PPFIBP2: variants seen among roughly 807,000 people sequenced by gnomAD.
PPFIBP2 encodes liprin-beta-2.
A neutral mutation model predicts 118.3 loss-of-function variants in PPFIBP2; 118 were observed. The observed-to-expected ratio is 1.00, with a 90% CI of 0.86 to 1.16. The LOEUF is 1.16. Among genes scored for constraint, PPFIBP2 ranks in the 50% most tolerant of loss-of-function variants. The probability of loss-of-function intolerance (pLI) is 0.00; values close to 1 mark genes in which losing one functional copy is unlikely to be tolerated. For missense variants in PPFIBP2, 1,195 were observed against 1,073.1 expected (o/e 1.11, Z -1.59); for synonymous variants, 414 against 397.4 (o/e 1.04, Z -0.50).
chr11:7,580,821 A>G (rs1202957163), intron 3 of PPFIBP2, among the ~76,000 whole-genome samples: 1 of 152,236 alleles, frequency 6.6e-6, no homozygotes, highest in Non-Finnish European at 1.5e-5. Context: ...TCATGCATGT[A>G]GGAAATACTC....
chr11:7,605,734 G>C, intron 5 of PPFIBP2: 1 of 1,343,152 alleles, frequency 7.4e-7, no homozygotes, highest in Non-Finnish European at 9.5e-7. Flanking sequence ...ACTAGTGGCC[G>C]CAGAAGAAAT....
chr11:7,580,162 G>A (rs1315815197), intron 3 of PPFIBP2, among the ~76,000 whole-genome samples: 1 of 152,014 alleles, frequency 6.6e-6, no homozygotes, highest in African/African-American at 2.4e-5. Flanking sequence ...CCTTTTCTGA[G>A]CTTTTACCAC....
intron 13 of PPFIBP2, among the ~76,000 whole-genome samples, chr11:7,635,330 G>A (rs989101664): frequency 1.3e-5 from 2 of 152,204 alleles, no homozygotes; most frequent in Admixed American, 6.5e-5. Context: ...CGTGTCTCTC[G>A]GTTGCCATGG....
At chr11:7,664,911 C>G in the PPFIBP2 span, among the ~76,000 whole-genome samples, 3 of 151,332 alleles carry the variant, frequency 2.0e-5, no homozygotes, top group Non-Finnish European at 2.9e-5. Flanking sequence ...TGTGTAACCA[C>G]TCCTACCATG....
rs756109961 is a variant in PPFIBP2 at position 7,565,705 on chromosome 11, C to T, written c.217C>T (p.Leu73Phe). 5 of 1,614,178 alleles carry T rather than the reference C, an allele frequency of 3.1e-6. No homozygotes were observed. In the South Asian group the frequency reaches 3.3e-5, roughly 11 times the overall value. The change falls in exon 3 of 24, where the codon CTC becomes TTC. Residue 73 changes from leucine to phenylalanine, a missense_variant. Transcript: ENST00000299492. ...MLELPQERAA[L>F]LSQIPGPTAA... Reference sequence around the variant, plus strand: ...GGAGCTTCCTCAGGAGAGAGCAGCCCTCCTGAGCCAGATCCCTGGCCCAAC... The same window carrying T: ...GGAGCTTCCTCAGGAGAGAGCAGCCTTCCTGAGCCAGATCCCTGGCCCAAC...
In PPFIBP2 at chr11:7,597,197, G is replaced by T. The variant is rs1860494293; in HGVS notation, c.373-363G>T. 4 of 1,483,538 alleles carry T rather than the reference G, an allele frequency of 2.7e-6. No homozygotes were observed. In the East Asian group the frequency reaches 9.9e-5, roughly 37 times the overall value. 91.9% of individuals were successfully genotyped at this position (1,483,538 alleles called of 1,614,324 possible). On this transcript the variant is annotated intron_variant, in intron 4 of 23. Coordinates refer to ENST00000299492, the MANE Select transcript of PPFIBP2 (RefSeq NM_003621.5). ...CTCTTCCACACGAGGTTGCAGAAGT[G>T]CTGGCAAGCCAGCTGAGATGTGCCT... is the stretch of plus-strand genomic sequence containing the variant.
At chr11:7,664,089 T>C in the PPFIBP2 span, among the ~76,000 whole-genome samples, 1 of 152,174 alleles carries the variant, frequency 6.6e-6, no homozygotes, top group Admixed American at 6.5e-5. Flanking sequence ...CAGATGGAAA[T>C]GCAGAAATCA....
intron 1 of PPFIBP2, among the ~76,000 whole-genome samples, chr11:7,518,719 C>T (rs1229926951): frequency 2.0e-5 from 3 of 152,060 alleles, no homozygotes; most frequent in African/African-American, 7.2e-5. Context: ...GGAAATGAAC[C>T]GAGTCTTTTG....
Position 7,618,823 on chromosome 11 carries a change from C to G in PPFIBP2, c.619-2112C>G, listed in dbSNP as rs190687132. Among the ~76,000 whole-genome samples the G allele has an allele frequency of 3.3e-5, 5 of 151,870 alleles. No homozygotes were observed. In the South Asian group the frequency reaches 6.3e-4, roughly 19 times the overall value. On this transcript the variant is annotated intron_variant, in intron 6 of 23. Coordinates refer to ENST00000299492, the MANE Select transcript of PPFIBP2 (RefSeq NM_003621.5). ...TTTCGAACTCCTCATCTCAAGTGAT[C>G]CACCCACCTCGGCTTCCCAAAGTGC... is the stretch of plus-strand genomic sequence containing the variant.
intron 21 of PPFIBP2, among the ~76,000 whole-genome samples, 160 bp downstream of exon 21, chr11:7,649,814 G>A (rs900879143): frequency 6.6e-6 from 1 of 152,168 alleles, no homozygotes; most frequent in Non-Finnish European, 1.5e-5. Flanking sequence ...CCAAACATCC[G>A]TTACCTGCAC....
At chr11:7,660,614 T>C (rs891355940), downstream of PPFIBP2, among the ~76,000 whole-genome samples, 4 of 151,064 alleles carry the variant, frequency 2.6e-5, no homozygotes, top group African/African-American at 9.7e-5. Flanking sequence ...TTCTCTTTTT[T>C]TGTTGTGTCT....
At chr11:7,666,297 T>A in the PPFIBP2 span, 4 of 614,316 alleles carry the variant, frequency 6.5e-6, no homozygotes, top group Non-Finnish European at 8.8e-6. Flanking sequence ...TCTCCCTCAA[T>A]TTCTCACATT....
In PPFIBP2 at chr11:7,630,907, C is replaced by T. The variant is rs1565090881; in HGVS notation, c.965-18C>T. On this transcript the variant is annotated intron_variant, in intron 10 of 23. Coordinates refer to ENST00000299492, the MANE Select transcript of PPFIBP2 (RefSeq NM_003621.5). ...ACATGAATTCAACAATTCAGTCTTA[C>T]TACCTTAATGCTTGCAGGGCCTTCG... The T allele has an allele frequency of 1.3e-6, 2 of 1,579,862 alleles. No individual in the cohort carries two copies. The highest frequency in any genetic ancestry group is 2.7e-5 in the African/African-American group (2 of 74,162).
Position 7,616,161 on chromosome 11 carries a change from C to G in PPFIBP2, c.619-4774C>G, listed in dbSNP as rs1300003386. On this transcript the variant is annotated intron_variant, in intron 6 of 23. Transcript: ENST00000299492. The surrounding 1 kb of genome is among the most constrained non-coding windows in gnomAD (Gnocchi z 5.2). Reference sequence around the variant, plus strand: ...ACACATACACACGCACACACAAACACCCACACACAGTTATGTTCTTAAAAA... The same window carrying G: ...ACACATACACACGCACACACAAACAGCCACACACAGTTATGTTCTTAAAAA... Among the ~76,000 whole-genome samples, 1 of 147,546 alleles carries G rather than the reference C, an allele frequency of 6.8e-6. No individual in the cohort carries two copies. Among genetic ancestry groups the G allele is most frequent in the Non-Finnish European group, 1.5e-5 (1 of 68,002 alleles).
At chr11:7,541,068 C>T (rs891241439) in intron 1 of PPFIBP2, among the ~76,000 whole-genome samples, 2 of 152,202 alleles carry the variant, frequency 1.3e-5, no homozygotes, top group Admixed American at 6.5e-5. Flanking sequence ...TGGTGGCCAG[C>T]CCCTGAGGCT....
intron 4 of PPFIBP2, among the ~76,000 whole-genome samples, chr11:7,593,670 C>A (rs1031974710): frequency 6.6e-6 from 1 of 152,220 alleles, no homozygotes; most frequent in Non-Finnish European, 1.5e-5. Context: ...GAAGCTGGAT[C>A]TAGACTGATC....
chr11:7,666,438 A>C, the PPFIBP2 span: 1,205,614 of 1,561,578 alleles, frequency 0.77, 466,340 homozygotes, highest in East Asian at 0.81. Context: ...AGTGAGGGCA[A>C]TGGATGTCGT....
chr11:7,559,311 C>CT (rs1854028441), intron 2 of PPFIBP2, among the ~76,000 whole-genome samples: 1 of 151,882 alleles, frequency 6.6e-6, no homozygotes, highest in African/African-American at 2.4e-5. Flanking sequence ...TTAGGGCACA[C>CT]ATTTTTTTTA....
intron 1 of PPFIBP2, among the ~76,000 whole-genome samples, chr11:7,542,211 G>A (rs1030989943): frequency 6.6e-6 from 1 of 152,148 alleles, no homozygotes; most frequent in African/African-American, 2.4e-5. Flanking sequence ...TTTCTCATCT[G>A]TAACAGGGGG....
Sources: allele counts gnomAD v4.1 joint callset (sites outside exome capture counted in the v4.1 genomes callset), GRCh38; gene constraint gnomAD v4.1.1; non-coding constraint Gnocchi (gnomAD v3.1); transcripts MANE v1.5; gene names NCBI Gene and HGNC (gene_info 2026-07-23, HGNC 2026-07-21).